The following UBR3 variants were observed in gnomAD, a reference collection of about 807,000 sequenced individuals.
The protein encoded by UBR3 is ubiquitin protein ligase E3 component n-recognin 3, also known as E3 ubiquitin-protein ligase UBR3.
Under a neutral mutation model 243.2 loss-of-function variants are expected in UBR3, and 85 were observed. That is an observed-to-expected ratio of 0.35 (90% confidence interval 0.29 to 0.42). The LOEUF (loss-of-function observed/expected upper bound fraction) is 0.42, where lower values mean the gene tolerates loss of function less well. Among genes scored for constraint, UBR3 ranks in the 10% least tolerant of loss-of-function variants. The probability of loss-of-function intolerance (pLI) is 1.00; values close to 1 mark genes in which losing one functional copy is unlikely to be tolerated. For synonymous variants in UBR3, 748 were observed against 799.8 expected (o/e 0.94, Z 1.09); for missense variants, 1,686 against 2,300.8 (o/e 0.73, Z 5.47).
chr2:170,050,082 A>T (rs917310307), intron 32 of UBR3, among the ~76,000 whole-genome samples: 6 of 152,204 alleles, frequency 3.9e-5, no homozygotes, highest in African/African-American at 1.4e-4. Flanking sequence ...AGCATTTACT[A>T]CCCTATTAGT....
intron 11 of UBR3, among the ~76,000 whole-genome samples, chr2:169,914,421 G>A (rs541054932): frequency 1.3e-5 from 2 of 151,246 alleles, no homozygotes; most frequent in African/African-American, 4.9e-5. Flanking sequence ...AAGTATATGT[G>A]TCTCATTATT....
intron 1 of UBR3, among the ~76,000 whole-genome samples, chr2:169,851,908 C>T (rs1194485352): frequency 1.3e-5 from 2 of 151,536 alleles, no homozygotes; most frequent in Non-Finnish European, 2.9e-5. Context: ...GAGTGTGCAC[C>T]GAATAAATAT....
At chr2:169,994,285 A>G in intron 25 of UBR3, 38 bp from the exon 26 acceptor site, 1 of 1,611,180 alleles carries the variant, frequency 6.2e-7, no homozygotes, top group South Asian at 1.1e-5. Context: ...TATGGCACTG[A>G]TTATTTTTGA....
intron 5 of UBR3, among the ~76,000 whole-genome samples, chr2:169,890,701 C>A (rs2084344728): frequency 6.8e-6 from 1 of 147,404 alleles, no homozygotes; most frequent in African/African-American, 2.5e-5. Context: ...TCAACTCCAA[C>A]TTCTAATATG....
chr2:169,971,659 G>C (rs1449868260), intron 24 of UBR3, among the ~76,000 whole-genome samples: 1 of 152,060 alleles, frequency 6.6e-6, no homozygotes, highest in Non-Finnish European at 1.5e-5. Flanking sequence ...TGTTTCTGAG[G>C]GCTCTGTTCT....
chr2:169,930,048 GT>G (rs1370483780), intron 18 of UBR3, among the ~76,000 whole-genome samples: 4 of 152,158 alleles, frequency 2.6e-5, no homozygotes, highest in Non-Finnish European at 4.4e-5. Flanking sequence ...GATATTTTGT[GT>G]GTAAAATTAG....
At chr2:169,919,328 A>G (rs186819562) in intron 11 of UBR3, among the ~76,000 whole-genome samples, 6 of 152,226 alleles carry the variant, frequency 3.9e-5, no homozygotes, top group Non-Finnish European at 7.3e-5. Context: ...TATAGAGGGT[A>G]ATAGGAGATA....
chr2:169,917,066 C>T lies in UBR3; in HGVS notation c.1866+2920C>T, dbSNP rs1443038119. Among the ~76,000 whole-genome samples, 4 of 152,244 alleles carry T rather than the reference C, an allele frequency of 2.6e-5. No individual in the cohort carries two copies. The East Asian group carries it at 7.7e-4, about 29-fold the overall frequency. On this transcript the variant is annotated intron_variant, in intron 11 of 38. Transcript: ENST00000272793. ...TTATCTTTAATTCTAATCCCTCCTG[C>T]CCTGAATTAATTTTTCTTTACCCCT...
At position 169,977,009 on chromosome 2, in the gene UBR3, G is replaced by GGT. The variant is rs577837086; in HGVS notation, c.3635-9635_3635-9634dup. Reference sequence around the variant, plus strand: ...CAAGTCTGCTGTTGAAGCTTTCTGTGGTATTTTTTTGTTTGATTTATTCAG... The same window carrying GGT: ...CAAGTCTGCTGTTGAAGCTTTCTGTGGTGTATTTTTTTGTTTGATTTATTCAG... On this transcript the variant is annotated intron_variant, in intron 24 of 38. Coordinates refer to ENST00000272793, the MANE Select transcript of UBR3 (RefSeq NM_172070.4). 4.0e-3 allele frequency among the ~76,000 whole-genome samples: 551 copies of GGT among 139,434 alleles called. 4 individuals are homozygous for GGT. Among genetic ancestry groups the GGT allele is most frequent in the African/African-American group, 0.014 (523 of 37,274 alleles). The allele number at this position is 139,434 out of a possible 152,430, so 91.5% of individuals were successfully genotyped here. A position where few individuals can be genotyped will look rare whatever the true frequency, so the allele number is the denominator to read the frequency against.
chr2:170,080,511 T>A, intron 37 of UBR3, 34 bp from the exon 38 acceptor site: 3 of 1,535,110 alleles, frequency 2.0e-6, no homozygotes, highest in Non-Finnish European at 1.8e-6. Context: ...CCTATTTGAT[T>A]ATGAAGTTCA....
Position 170,049,702 on chromosome 2 carries a change from C to T in UBR3, c.4661-5758C>T, listed in dbSNP as rs149126827. ...TCTAGAAGCCTTTCTATTGGATATC[C>T]TTTTTCTCATTGCCATAATAACTTC... is the stretch of plus-strand genomic sequence containing the variant. On this transcript the variant is annotated intron_variant, in intron 32 of 38. Coordinates refer to ENST00000272793, the MANE Select transcript of UBR3 (RefSeq NM_172070.4). Among the ~76,000 whole-genome samples, 762 of 152,122 alleles carry T rather than the reference C, an allele frequency of 5.0e-3. 5 individuals carry two copies. The highest frequency in any genetic ancestry group is 7.4e-3 in the Admixed American group (113 of 15,262).
chr2:169,940,179 G>A (rs2086525481), intron 19 of UBR3, among the ~76,000 whole-genome samples: 1 of 151,922 alleles, frequency 6.6e-6, no homozygotes, highest in Non-Finnish European at 1.5e-5. Flanking sequence ...AGTTCTTCTA[G>A]CTATTTTGAA....
intron 25 of UBR3, among the ~76,000 whole-genome samples, chr2:169,988,916 C>T (rs2105390224): frequency 6.6e-6 from 1 of 152,214 alleles, no homozygotes; most frequent in Admixed American, 6.5e-5. Context: ...CCTTATCCAC[C>T]CATTGATACT....
rs78343405 is a variant in UBR3 at position 169,895,137 on chromosome 2, G to A, written c.1106-44G>A. On this transcript the variant is annotated intron_variant, in intron 6 of 38. Coordinates refer to ENST00000272793, the MANE Select transcript of UBR3 (RefSeq NM_172070.4). ...GGTTATTAGTTATAAAATGAGATGA[G>A]CAACTTCAATCATTAACTGATAAAT... is the stretch of plus-strand genomic sequence containing the variant. 3,797 of 1,459,458 alleles carry A rather than the reference G, an allele frequency of 2.6e-3. 71 individuals carry two copies. In the African/African-American group the frequency reaches 0.035, roughly 13 times the overall value. 90.4% of individuals were successfully genotyped at this position (1,459,458 alleles called of 1,614,324 possible).
chr2:169,898,335 G>A (rs1439142150), intron 8 of UBR3, among the ~76,000 whole-genome samples: 1 of 152,148 alleles, frequency 6.6e-6, no homozygotes, highest in Non-Finnish European at 1.5e-5. Flanking sequence ...AAGGCATAAT[G>A]CGTTATATAT....
chr2:169,956,497 CTT>C, intron 23 of UBR3, among the ~76,000 whole-genome samples: 1 of 152,044 alleles, frequency 6.6e-6, no homozygotes, highest in Admixed American at 6.6e-5. Flanking sequence ...TGAGAGTTAA[CTT>C]TGATGAATAA....
intron 29 of UBR3, among the ~76,000 whole-genome samples, chr2:170,013,591 T>C (rs554659282): frequency 2.0e-5 from 3 of 152,300 alleles, no homozygotes; most frequent in Non-Finnish European, 2.9e-5. Flanking sequence ...CTAGTTTTTT[T>C]CGAGAATTCT....
intron 11 of UBR3, among the ~76,000 whole-genome samples, chr2:169,920,011 G>A (rs13012722): frequency 2.6e-5 from 4 of 151,696 alleles, no homozygotes; most frequent in Admixed American, 6.6e-5. Flanking sequence ...ACATGCACAC[G>A]TATGTTTATA....
At chr2:170,066,380 C>A (rs577227952) in intron 35 of UBR3, among the ~76,000 whole-genome samples, 138 of 152,194 alleles carry the variant, frequency 9.1e-4, no homozygotes, top group African/African-American at 3.1e-3. Flanking sequence ...TTCTCTAACT[C>A]CAGAATTCTA....
Sources: gnomAD v4.1 joint callset for allele counts (sites outside exome capture counted in the v4.1 genomes callset) on GRCh38, gnomAD v4.1.1 for gene constraint, MANE v1.5 for transcripts, NCBI Gene and HGNC (gene_info 2026-07-23, HGNC 2026-07-21) for gene names.